GRM7: variants seen among roughly 807,000 people sequenced by gnomAD.
GRM7 encodes glutamate metabotropic receptor 7.
A neutral mutation model predicts 84.5 loss-of-function variants in GRM7; 35 were observed. The observed-to-expected ratio is 0.41, with a 90% confidence interval of 0.32 to 0.55. The LOEUF is 0.55. Ranked by LOEUF, GRM7 falls within the 20% of genes least tolerant of loss-of-function variation. The pLI is 0.19. For synonymous variants in GRM7, 487 were observed against 455.1 expected (o/e 1.07, Z -0.89); for missense variants, 1,003 against 1,194.6 (o/e 0.84, Z 2.36).
chr3:7,722,396 G>C lies in GRM7; in HGVS notation c.2699-17961G>C, dbSNP rs559520454. ...AGATGAGAAAATCAAGGCATGAAGAGATAAAGTAACTTGGCCAGGGTCATA... is the reference window on the plus strand; with the variant it reads ...AGATGAGAAAATCAAGGCATGAAGACATAAAGTAACTTGGCCAGGGTCATA... On this transcript the variant is annotated intron_variant, in intron 9 of 9. Coordinates refer to ENST00000357716, the MANE Select transcript of GRM7 (RefSeq NM_000844.4). Among the ~76,000 whole-genome samples, 4 of 151,222 alleles carry C rather than the reference G, an allele frequency of 2.6e-5. No homozygotes were observed. The East Asian group carries it at 5.8e-4, about 22-fold the overall frequency.
chr3:7,230,746 A>G (rs1236171647), intron 2 of GRM7, among the ~76,000 whole-genome samples: 1 of 152,216 alleles, frequency 6.6e-6, no homozygotes, highest in Non-Finnish European at 1.5e-5. Flanking sequence ...AGACTTTAAA[A>G]TCTGATGTGT....
At chr3:7,101,239 A>C (rs990441771) in intron 1 of GRM7, among the ~76,000 whole-genome samples, 2 of 151,742 alleles carry the variant, frequency 1.3e-5, no homozygotes, top group Non-Finnish European at 2.9e-5. Flanking sequence ...GAGAGTTCCA[A>C]TTGCACCACA....
intron 1 of GRM7, among the ~76,000 whole-genome samples, chr3:7,104,735 C>T (rs1020307677): frequency 6.6e-6 from 1 of 151,704 alleles, no homozygotes; most frequent in African/African-American, 2.4e-5. Context: ...ATTAATTCTT[C>T]TGACAATCCT....
At chr3:7,290,299 C>A (rs1699577946) in intron 2 of GRM7, among the ~76,000 whole-genome samples, 1 of 152,168 alleles carries the variant, frequency 6.6e-6, no homozygotes, top group African/African-American at 2.4e-5. Context: ...ATTTCACCAT[C>A]TGCAAAATGG....
At chr3:6,886,938 C>T (rs909166909) in intron 1 of GRM7, among the ~76,000 whole-genome samples, 8 of 151,688 alleles carry the variant, frequency 5.3e-5, no homozygotes, top group African/African-American at 1.9e-4. Context: ...AGATTGAGTA[C>T]TTTGCTTAAC....
At chr3:6,948,833 C>A (rs1330126752) in intron 1 of GRM7, among the ~76,000 whole-genome samples, 1 of 152,064 alleles carries the variant, frequency 6.6e-6, no homozygotes, top group Non-Finnish European at 1.5e-5. Context: ...GTGTTTTGAT[C>A]TTTGTTGGTT....
intron 7 of GRM7, among the ~76,000 whole-genome samples, chr3:7,481,926 G>T (rs544623957): frequency 1.3e-5 from 2 of 152,174 alleles, no homozygotes; most frequent in African/African-American, 2.4e-5. Flanking sequence ...AGTGACTCAC[G>T]CCTGTAATCC....
intron 1 of GRM7, among the ~76,000 whole-genome samples, chr3:7,101,269 T>C (rs2125021895): frequency 6.6e-6 from 1 of 151,916 alleles, no homozygotes; most frequent in East Asian, 1.9e-4. Flanking sequence ...ACTTTTGATA[T>C]TGCCAGTATT....
At chr3:7,467,391 G>C (rs146700922) in intron 7 of GRM7, among the ~76,000 whole-genome samples, 1 of 152,222 alleles carries the variant, frequency 6.6e-6, no homozygotes, top group East Asian at 1.9e-4. Context: ...CGGGCGCCAA[G>C]TTTTCCTTTT....
chr3:7,074,680 C>T (rs1476060009), intron 1 of GRM7, among the ~76,000 whole-genome samples: 5 of 152,224 alleles, frequency 3.3e-5, no homozygotes, highest in South Asian at 4.1e-4. Flanking sequence ...CAGTGACAGG[C>T]TGGAGAATTT....
intron 4 of GRM7, among the ~76,000 whole-genome samples, chr3:7,338,431 A>T (rs1307155475): frequency 2.0e-5 from 3 of 152,042 alleles, no homozygotes; most frequent in Non-Finnish European, 4.4e-5. Context: ...AAAATCTCAG[A>T]AATTACCACT....
At chr3:7,006,706 G>A (rs1025941904) in intron 1 of GRM7, among the ~76,000 whole-genome samples, 11 of 152,126 alleles carry the variant, frequency 7.2e-5, no homozygotes, top group African/African-American at 2.7e-4. Context: ...ATTGAGAAAT[G>A]AATTCATAAA....
At chr3:7,611,111 A>G (rs1696827813) in intron 8 of GRM7, among the ~76,000 whole-genome samples, 1 of 152,138 alleles carries the variant, frequency 6.6e-6, no homozygotes. Flanking sequence ...TGAGTATTTC[A>G]GACCTTCTGC....
intron 1 of GRM7, among the ~76,000 whole-genome samples, chr3:6,988,082 C>T (rs1204765390): frequency 1.1e-4 from 16 of 150,486 alleles, no homozygotes; most frequent in African/African-American, 1.2e-4. Context: ...CTGCAAGCTC[C>T]GCCTCCTGGG....
At chr3:7,360,892 C>T (rs1349379717) in intron 4 of GRM7, among the ~76,000 whole-genome samples, 2 of 152,118 alleles carry the variant, frequency 1.3e-5, no homozygotes, top group South Asian at 4.1e-4. Flanking sequence ...CCCATGAAAT[C>T]TTACGTTTTG....
Position 6,952,444 on chromosome 3 carries a change from C to A in GRM7, c.519+90537C>A, listed in dbSNP as rs574268737. Among the ~76,000 whole-genome samples, 4 of 152,164 alleles carry A rather than the reference C, an allele frequency of 2.6e-5. No individual in the cohort carries two copies. The East Asian group carries it at 7.7e-4, about 29-fold the overall frequency. On this transcript the variant is annotated intron_variant, in intron 1 of 9. Transcript: ENST00000357716. ...GGATCTCTGGAGGTCTCTTTGTGTG[C>A]AGCTCTATTATTTCTGGTATTCTGT...
At chr3:6,961,505 C>A (rs1385000597) in intron 1 of GRM7, among the ~76,000 whole-genome samples, 1 of 152,144 alleles carries the variant, frequency 6.6e-6, no homozygotes, top group African/African-American at 2.4e-5. Flanking sequence ...CTGGTCATTC[C>A]TGAGTGTCTC....
At chr3:7,641,195 G>A (rs572906766) in intron 8 of GRM7, among the ~76,000 whole-genome samples, 19 of 152,204 alleles carry the variant, frequency 1.2e-4, no homozygotes, top group Admixed American at 2.0e-4. Flanking sequence ...GAAACCTCTA[G>A]AACTTTTTAC....
intron 1 of GRM7, among the ~76,000 whole-genome samples, chr3:7,034,331 T>C (rs934850087): frequency 6.7e-4 from 102 of 151,554 alleles, no homozygotes; most frequent in Non-Finnish European, 3.7e-4. Flanking sequence ...CTACCCCAGG[T>C]GATTCTGATA....
Sources: gnomAD v4.1 joint callset for allele counts (sites outside exome capture counted in the v4.1 genomes callset) on GRCh38, gnomAD v4.1.1 for gene constraint, MANE v1.5 for transcripts, NCBI Gene and HGNC (gene_info 2026-07-23, HGNC 2026-07-21) for gene names.